The following CNBD1 variants were observed in gnomAD, a reference collection of about 807,000 sequenced individuals.
CNBD1 encodes the protein cyclic nucleotide-binding domain-containing protein 1.
CNBD1 carries 71 observed loss-of-function variants against 54.4 expected under a neutral mutation model. The observed-to-expected ratio is 1.30, with a 90% confidence interval of 1.08 to 1.59. The LOEUF is 1.59. Ranked by LOEUF, CNBD1 falls within the 40% of genes most tolerant of loss-of-function variation. The probability of loss-of-function intolerance (pLI) is 0.00; values close to 1 mark genes in which losing one functional copy is unlikely to be tolerated. For synonymous variants in CNBD1, 182 were observed against 170.7 expected (o/e 1.07, Z -0.51); for missense variants, 659 against 518.0 (o/e 1.27, Z -2.64).
intron 2 of CNBD1, among the ~76,000 whole-genome samples, chr8:87,407,316 A>G (rs777052782): frequency 6.6e-6 from 1 of 152,088 alleles, no homozygotes; most frequent in African/African-American, 2.4e-5. Flanking sequence ...TTCAAGATTC[A>G]TCCATGTTAC....
At chr8:87,033,374 T>C (rs13264864) in intron 4 of CNBD1, among the ~76,000 whole-genome samples, 43,739 of 152,066 alleles carry the variant, frequency 0.29, 6,928 homozygotes, top group Middle Eastern at 0.43. Context: ...TCAATAACAA[T>C]AGAGCTTTAA....
chr8:86,935,216 T>G (rs995133633), intron 3 of CNBD1, among the ~76,000 whole-genome samples: 1 of 152,006 alleles, frequency 6.6e-6, no homozygotes, highest in Non-Finnish European at 1.5e-5. Context: ...TTTTGTATTT[T>G]TAGTAGAGAC....
Position 87,202,682 on chromosome 8 carries a change from G to A in CNBD1, c.432-3311G>A, listed in dbSNP as rs140856783. ...TTGCAGTTTTATAGACCTGGGGGTT[G>A]GGGTGAGGTCTGGGGCAAGGCTAGA... On this transcript the variant is annotated intron_variant, in intron 4 of 10. Coordinates refer to ENST00000518476, the MANE Select transcript of CNBD1 (RefSeq NM_173538.3). 2.0e-5 allele frequency among the ~76,000 whole-genome samples: 3 copies of A among 152,282 alleles called. No homozygotes were observed. In the East Asian group the frequency reaches 5.8e-4, roughly 29 times the overall value.
intron 4 of CNBD1, among the ~76,000 whole-genome samples, chr8:87,107,500 A>T (rs139420386): frequency 2.0e-5 from 3 of 152,230 alleles, no homozygotes; most frequent in African/African-American, 7.2e-5. Context: ...ATCAACTCAC[A>T]CACCCATTAG....
intron 6 of CNBD1, among the ~76,000 whole-genome samples, chr8:87,278,486 C>G (rs1412134952): frequency 6.6e-6 from 1 of 151,422 alleles, no homozygotes; most frequent in East Asian, 1.9e-4. Context: ...ATAATGAATG[C>G]CAGAGAACAA....
intron 2 of CNBD1, among the ~76,000 whole-genome samples, chr8:87,410,158 G>A (rs1807717112): frequency 6.6e-6 from 1 of 152,114 alleles, no homozygotes; most frequent in Non-Finnish European, 1.5e-5. Flanking sequence ...CTACTGCTCA[G>A]AAGAAAAGAT....
chr8:87,384,228 G>T (rs534659146), downstream of CNBD1, among the ~76,000 whole-genome samples: 1 of 152,052 alleles, frequency 6.6e-6, no homozygotes. Context: ...GTAGCCATTA[G>T]ATATTTTTAA....
At position 87,159,444 on chromosome 8, in the gene CNBD1, G is replaced by T. The variant is rs180837908; in HGVS notation, c.432-46549G>T. Among the ~76,000 whole-genome samples, 281 of 152,214 alleles carry T rather than the reference G, an allele frequency of 1.8e-3. 1 individual carries two copies. Among genetic ancestry groups the T allele is most frequent in the Middle Eastern group, 6.8e-3 (2 of 294 alleles). Reference sequence around the variant, plus strand: ...TATAATTAATGAAATACAACATTGTGCAATGGAGAGTAGAGCTCTTGCGAT... The same window carrying T: ...TATAATTAATGAAATACAACATTGTTCAATGGAGAGTAGAGCTCTTGCGAT... On this transcript the variant is annotated intron_variant, in intron 4 of 10. Coordinates refer to ENST00000518476, the MANE Select transcript of CNBD1 (RefSeq NM_173538.3).
At chr8:87,058,491 C>A (rs1419718271) in intron 4 of CNBD1, among the ~76,000 whole-genome samples, 1 of 152,212 alleles carries the variant, frequency 6.6e-6, no homozygotes, top group African/African-American at 2.4e-5. Context: ...TCCACCTCTG[C>A]AGCATAATTC....
intron 4 of CNBD1, among the ~76,000 whole-genome samples, chr8:87,103,855 G>A (rs1410452083): frequency 6.6e-6 from 1 of 152,212 alleles, no homozygotes; most frequent in African/African-American, 2.4e-5. Flanking sequence ...AGAGTATGAT[G>A]ACCCTGAAGT....
intron 4 of CNBD1, among the ~76,000 whole-genome samples, chr8:87,027,997 G>A (rs1586207786): frequency 6.6e-6 from 1 of 152,050 alleles, no homozygotes; most frequent in Admixed American, 6.6e-5. Flanking sequence ...GCCCATCCCA[G>A]TGTCTGGTAC....
At chr8:87,352,044 A>G (rs987350595) in intron 9 of CNBD1, among the ~76,000 whole-genome samples, 10 of 152,336 alleles carry the variant, frequency 6.6e-5, no homozygotes, top group African/African-American at 2.2e-4. Context: ...GTTCTTATTC[A>G]TTAGAGAAAT....
At chr8:87,290,210 A>C (rs949568361) in intron 8 of CNBD1, among the ~76,000 whole-genome samples, 4 of 151,958 alleles carry the variant, frequency 2.6e-5, no homozygotes, top group South Asian at 2.1e-4. Context: ...TTAACAATAC[A>C]TTATTATTTT....
At chr8:87,370,643 G>C (rs905017987) in intron 10 of CNBD1, among the ~76,000 whole-genome samples, 2 of 151,640 alleles carry the variant, frequency 1.3e-5, no homozygotes, top group Admixed American at 6.6e-5. Context: ...TGTCAGATGA[G>C]TAGGTTGCAA....
intron 4 of CNBD1, among the ~76,000 whole-genome samples, chr8:87,051,677 C>A (rs983653307): frequency 2.0e-5 from 3 of 152,186 alleles, no homozygotes; most frequent in Non-Finnish European, 2.9e-5. Flanking sequence ...AGGCACAGAT[C>A]GCTCATGCTA....
intron 6 of CNBD1, among the ~76,000 whole-genome samples, chr8:87,264,104 G>A (rs1043436555): frequency 1.3e-5 from 2 of 151,900 alleles, no homozygotes; most frequent in African/African-American, 2.4e-5. Context: ...CCATTAACTC[G>A]TCATTTAACA....
intron 2 of CNBD1, among the ~76,000 whole-genome samples, chr8:87,388,922 C>G (rs1038382829): frequency 6.6e-6 from 1 of 152,130 alleles, no homozygotes; most frequent in Non-Finnish European, 1.5e-5. Flanking sequence ...GGGCTTCATC[C>G]CTGTGATGCA....
chr8:87,124,612 A>G (rs1811955878), intron 4 of CNBD1, among the ~76,000 whole-genome samples: 2 of 151,864 alleles, frequency 1.3e-5, no homozygotes, highest in African/African-American at 2.4e-5. Flanking sequence ...CCTTTTATGG[A>G]AAAAGTTTTC....
intron 5 of CNBD1, among the ~76,000 whole-genome samples, chr8:87,209,647 C>T (rs112108708): frequency 1.3e-5 from 2 of 152,218 alleles, no homozygotes; most frequent in African/African-American, 4.8e-5. Flanking sequence ...AATTCCAGGA[C>T]ATTTTTCACA....
Sources: gnomAD v4.1 joint callset for allele counts (sites outside exome capture counted in the v4.1 genomes callset) on GRCh38, gnomAD v4.1.1 for gene constraint, MANE v1.5 for transcripts, NCBI Gene and HGNC (gene_info 2026-07-23, HGNC 2026-07-21) for gene names.